The following SACM1L variants were observed in gnomAD, a reference collection of about 807,000 sequenced individuals.
The protein encoded by SACM1L is SAC1 like phosphatidylinositide phosphatase.
A neutral mutation model predicts 89.5 loss-of-function variants in SACM1L; 32 were observed. That is an observed-to-expected ratio of 0.36 (90% CI 0.27 to 0.48). SACM1L has a LOEUF of 0.48. SACM1L is among the 20% of genes least tolerant of loss of function. SACM1L has a pLI of 0.99. For missense variants in SACM1L, 543 were observed against 708.5 expected (o/e 0.77, Z 2.65); for synonymous variants, 213 against 232.8 (o/e 0.92, Z 0.77).
chr3:45,738,313 C>G (rs1306875284), intron 16 of SACM1L, among the ~76,000 whole-genome samples: 1 of 152,204 alleles, frequency 6.6e-6, no homozygotes, highest in Non-Finnish European at 1.5e-5. Context: ...ACCACTTAAC[C>G]TGGGCTATGT....
chr3:45,723,738 T>G (rs1029974008), intron 11 of SACM1L, among the ~76,000 whole-genome samples, 195 bp downstream of exon 11: 2 of 152,124 alleles, frequency 1.3e-5, no homozygotes, highest in Non-Finnish European at 2.9e-5. Context: ...ACAATTAACT[T>G]CCTATTATAT....
Position 45,744,350 on chromosome 3 carries a change from T to TA in SACM1L, c.*687dup, listed in dbSNP as rs1559555243. 6.6e-6 allele frequency: 1 copy of TA among 152,602 alleles called. No individual in the cohort carries two copies. The highest frequency in any genetic ancestry group is 1.9e-4 in the East Asian group (1 of 5,204). 9.5% of individuals were successfully genotyped at this position (152,602 alleles called of 1,614,324 possible). On this transcript the variant is annotated 3_prime_UTR_variant, in exon 20 of 20. Transcript: ENST00000389061. ...AGAATTCAGATATACTTTATCTTTT[T>TA]AAAAAAGTGTAAATAAAATCAAAGA...
intron 7 of SACM1L, among the ~76,000 whole-genome samples, chr3:45,714,321 G>A (rs1698598334): frequency 6.6e-6 from 1 of 150,724 alleles, no homozygotes. Flanking sequence ...GTTGTTTAAA[G>A]AAAAGGAATA....
At chr3:45,697,628 C>T (rs952118761) in intron 1 of SACM1L, among the ~76,000 whole-genome samples, 5 of 152,084 alleles carry the variant, frequency 3.3e-5, no homozygotes, top group African/African-American at 9.7e-5. Flanking sequence ...AGCAAAATGA[C>T]GAACTGAATG....
Position 45,732,062 on chromosome 3 carries a change from C to A in SACM1L, c.1011C>A (p.Ala337=). 6.3e-7 allele frequency: 1 copy of A among 1,583,134 alleles called. No individual in the cohort carries two copies. The highest frequency in any genetic ancestry group is 1.2e-5 in the South Asian group (1 of 86,046). The change falls in exon 13 of 20, where the codon GCC becomes GCA. Residue 337 remains alanine, a synonymous_variant. Transcript: ENST00000389061. ...TCTTTTCTTTTGGTAGATACATTGC[C>A]TTTGACTTCCATAAGGAATGTAAAA... ...SLGSGMMRYI[A]FDFHKECKNM...
rs1698410880 is a variant in SACM1L, at chr3:45,706,909, T to G, written c.333+2T>G. ...ATGTTGCACTTAACTGATATTCAGG[T>G]AAGAACTGGAAATTGTTACTAATTG... On this transcript the variant is annotated splice_donor_variant, in intron 4 of 19. Coordinates refer to ENST00000389061, the MANE Select transcript of SACM1L (RefSeq NM_014016.5). LOFTEE classifies it high-confidence loss of function. 1 of 1,612,740 alleles carries G rather than the reference T, an allele frequency of 6.2e-7. No individual in the cohort carries two copies. The highest frequency in any genetic ancestry group is 8.5e-7 in the Non-Finnish European group (1 of 1,179,350).
At chr3:45,709,999 A>G (rs1445691814) in intron 5 of SACM1L, among the ~76,000 whole-genome samples, 1 of 152,204 alleles carries the variant, frequency 6.6e-6, no homozygotes, top group African/African-American at 2.4e-5. Context: ...TCAAACTAGC[A>G]TTGCATTCAT....
At chr3:45,727,320 T>G (rs2125700238) in intron 11 of SACM1L, among the ~76,000 whole-genome samples, 1 of 152,334 alleles carries the variant, frequency 6.6e-6, no homozygotes, top group Middle Eastern at 3.4e-3. Context: ...TTGTGAAATT[T>G]CTAGTTTTCC....
chr3:45,743,648 C>T lies in SACM1L; in HGVS notation c.1743C>T (p.Val581=). 1 of 1,611,928 alleles carries T rather than the reference C, an allele frequency of 6.2e-7. No individual in the cohort carries two copies. Among genetic ancestry groups the T allele is most frequent in the Non-Finnish European group, 8.5e-7 (1 of 1,179,438 alleles). The change falls in exon 20 of 20, where the codon GTC becomes GTT. Residue 581 remains valine (V), a synonymous_variant. Transcript: ENST00000389061. ...GKDFVDAPRL[V]QKEKID is the part of the protein sequence containing the mutation. ...ATTTTGTCGATGCTCCCAGACTGGT[C>T]CAGAAAGAAAAGATAGACTGAATTT...
Position 45,743,518 on chromosome 3 carries a change from T to G in SACM1L, c.1628-15T>G. The G allele has an allele frequency of 1.3e-6, 2 of 1,594,726 alleles. No homozygotes were observed. The highest frequency in any genetic ancestry group is 1.7e-6 in the Non-Finnish European group (2 of 1,173,418). On this transcript the variant is annotated splice_polypyrimidine_tract_variant and intron_variant, in intron 19 of 19. Transcript: ENST00000389061. ...CAAACGACTTATTTAGCTTTTTGTT[T>G]CTTAATATCAACAGGTGACACTTGG...
chr3:45,705,169 A>T lies in SACM1L; in HGVS notation c.165A>T (p.Arg55Ser), dbSNP rs1698359441. ...ATGTTCCTCCTTCAGCTGTCACAAG[A>T]CCAATATTTGGTATACTGGGCACAA... ...KKDVPPSAVTRPIFGILGTIH... is the reference protein window; with the variant it reads ...KKDVPPSAVTSPIFGILGTIH... Residue 55 changes from arginine (R) to serine (S), a missense_variant, in exon 3 of 20, where the codon AGA becomes AGT. By Grantham distance (110) the Arg-to-Ser change is moderately radical (BLOSUM62 -1). Coordinates refer to ENST00000389061, the MANE Select transcript of SACM1L (RefSeq NM_014016.5). The T allele has an allele frequency of 6.2e-7, 1 of 1,611,770 alleles. No individual in the cohort carries two copies. Among genetic ancestry groups the T allele is most frequent in the Admixed American group, 1.7e-5 (1 of 59,814 alleles).
intron 10 of SACM1L, among the ~76,000 whole-genome samples, 162 bp from the exon 11 acceptor site, chr3:45,723,313 A>AT (rs1334580993): frequency 6.6e-6 from 1 of 152,130 alleles, no homozygotes; most frequent in African/African-American, 2.4e-5. Context: ...ACTAGATGAC[A>AT]TTTAGAATAG....
intron 7 of SACM1L, among the ~76,000 whole-genome samples, chr3:45,715,924 A>C (rs1257150007): frequency 6.6e-6 from 1 of 151,998 alleles, no homozygotes; most frequent in Non-Finnish European, 1.5e-5. Context: ...TTTCTAGGCA[A>C]TTTTAGAAAC....
At chr3:45,734,979 T>G in intron 13 of SACM1L, 1 of 374,546 alleles carries the variant, frequency 2.7e-6, no homozygotes, top group South Asian at 6.7e-5. Context: ...ACTCTTAACT[T>G]TACTTTTTCA....
intron 2 of SACM1L, 39 bp from the exon 3 acceptor site, chr3:45,705,096 T>C (rs566882846): frequency 1.4e-6 from 2 of 1,381,646 alleles, no homozygotes; most frequent in East Asian, 4.6e-5. Flanking sequence ...TTGGTGAGCT[T>C]TTTGTATGTG....
At chr3:45,692,335 A>C (rs2673052) in intron 1 of SACM1L, among the ~76,000 whole-genome samples, 2 of 148,422 alleles carry the variant, frequency 1.3e-5, no homozygotes, top group Admixed American at 1.3e-4. Context: ...TTTTTTTATT[A>C]TTTTTGTGAG....
At chr3:45,726,728 C>T (rs1698926771) in intron 11 of SACM1L, among the ~76,000 whole-genome samples, 1 of 151,822 alleles carries the variant, frequency 6.6e-6, no homozygotes, top group African/African-American at 2.4e-5. Context: ...TTTATTATTT[C>T]CTCCGGTAGC....
chr3:45,741,668 TA>T (rs1234751500), intron 19 of SACM1L, among the ~76,000 whole-genome samples: 1 of 152,206 alleles, frequency 6.6e-6, no homozygotes, highest in Non-Finnish European at 1.5e-5. Context: ...TAGTTTTAAC[TA>T]AATGCTGAAA....
intron 9 of SACM1L, among the ~76,000 whole-genome samples, chr3:45,722,301 G>C (rs1220874287): frequency 1.3e-5 from 2 of 152,060 alleles, no homozygotes; most frequent in African/African-American, 4.8e-5. Flanking sequence ...CCCTAGAGGA[G>C]AGGGTAGGCT....
Sources: allele counts gnomAD v4.1 joint callset (sites outside exome capture counted in the v4.1 genomes callset), GRCh38; gene constraint gnomAD v4.1.1; transcripts MANE v1.5; gene names NCBI Gene and HGNC (gene_info 2026-07-23, HGNC 2026-07-21).